The following PDE6C variants were observed in gnomAD, a reference collection of about 807,000 sequenced individuals.
The protein encoded by PDE6C is phosphodiesterase 6C.
A neutral mutation model predicts 113.1 loss-of-function variants in PDE6C; 75 were observed. The observed-to-expected ratio is 0.66, with a 90% CI of 0.55 to 0.80. The LOEUF (loss-of-function observed/expected upper bound fraction) is 0.80, where lower values mean the gene tolerates loss of function less well. PDE6C is among the 30% of genes least tolerant of loss of function. The probability of loss-of-function intolerance (pLI) is 0.00; values close to 1 mark genes in which losing one functional copy is unlikely to be tolerated. For synonymous variants in PDE6C, 375 were observed against 363.7 expected (o/e 1.03, Z -0.35); for missense variants, 912 against 1,038.6 (o/e 0.88, Z 1.67).
chr10:93,635,562 A>G lies in PDE6C; in HGVS notation c.1335A>G (p.Leu445=), dbSNP rs1159299458. ...ACACCTACGATAAGATGAATAAGCT[A>G]GAAAACAGAAAGGACATTGCTCAGG... ...NTDTYDKMNK[L]ENRKDIAQEM... Residue 445 remains leucine (L), a synonymous_variant, in exon 10 of 22, where the codon CTA becomes CTG. Transcript: ENST00000371447. 6.2e-7 allele frequency: 1 copy of G among 1,613,442 alleles called. No individual in the cohort carries two copies. Among genetic ancestry groups the G allele is most frequent in the Non-Finnish European group, 8.5e-7 (1 of 1,179,318 alleles).
chr10:93,644,239 T>C (rs1303726777), intron 14 of PDE6C, among the ~76,000 whole-genome samples: 1 of 152,234 alleles, frequency 6.6e-6, no homozygotes, highest in Non-Finnish European at 1.5e-5. Context: ...GATCTCTTTA[T>C]GTAAAGGAAC....
chr10:93,632,342 TG>T (rs1306587052), intron 8 of PDE6C, among the ~76,000 whole-genome samples: 1 of 152,176 alleles, frequency 6.6e-6, no homozygotes, highest in African/African-American at 2.4e-5. Flanking sequence ...TAGACATCTT[TG>T]GGGGCCATTG....
At chr10:93,617,397 A>T (rs1211688135) in intron 1 of PDE6C, among the ~76,000 whole-genome samples, 1 of 152,236 alleles carries the variant, frequency 6.6e-6, no homozygotes. Context: ...AAAACAGTCC[A>T]TTGAACTTAA....
At position 93,627,258 on chromosome 10, in the gene PDE6C, C is replaced by CAAAA. The variant is rs57142181; in HGVS notation, c.1071+408_1071+411dup. Among the ~76,000 whole-genome samples, 250 of 51,824 alleles carry CAAAA rather than the reference C, an allele frequency of 4.8e-3. 2 individuals carry two copies. Among genetic ancestry groups the CAAAA allele is most frequent in the East Asian group, 0.011 (14 of 1,308 alleles). The allele number at this position is 51,824 out of a possible 152,430, so 34.0% of individuals were successfully genotyped here. On this transcript the variant is annotated intron_variant, in intron 7 of 21. Transcript: ENST00000371447. ...GCCTGGGCAACAAAGTGAAACTCCACAAAAAAAAAAAAAAAAAAAAAAAAG... is the reference window on the plus strand; with the variant it reads ...GCCTGGGCAACAAAGTGAAACTCCACAAAAAAAAAAAAAAAAAAAAAAAAAAAAG...
chr10:93,664,041 G>A (rs1480541725), intron 21 of PDE6C, among the ~76,000 whole-genome samples: 1 of 152,162 alleles, frequency 6.6e-6, no homozygotes, highest in African/African-American at 2.4e-5. Flanking sequence ...AGTTAAGGAT[G>A]TCCTTCAGAA....
chr10:93,614,989 C>A (rs1488012208), intron 1 of PDE6C, among the ~76,000 whole-genome samples: 1 of 152,200 alleles, frequency 6.6e-6, no homozygotes, highest in Non-Finnish European at 1.5e-5. Flanking sequence ...CCAACTCTGG[C>A]TGTACATTAA....
intron 15 of PDE6C, among the ~76,000 whole-genome samples, chr10:93,647,063 C>G (rs938666570): frequency 6.6e-6 from 1 of 152,208 alleles, no homozygotes; most frequent in African/African-American, 2.4e-5. Context: ...TACTACTAAT[C>G]TTCCAGAGAG....
chr10:93,646,737 A>T (rs2058586311), intron 15 of PDE6C, among the ~76,000 whole-genome samples: 1 of 152,166 alleles, frequency 6.6e-6, no homozygotes, highest in Non-Finnish European at 1.5e-5. Flanking sequence ...ACCAAGGAGG[A>T]TGGGGCTAAA....
intron 7 of PDE6C, among the ~76,000 whole-genome samples, chr10:93,628,355 C>T (rs1258910903): frequency 6.6e-6 from 1 of 152,034 alleles, no homozygotes; most frequent in Non-Finnish European, 1.5e-5. Flanking sequence ...GAGGCCAAGG[C>T]AGGTGGATTG....
intron 4 of PDE6C, among the ~76,000 whole-genome samples, chr10:93,623,209 A>G (rs1331186336): frequency 1.3e-5 from 2 of 152,186 alleles, no homozygotes; most frequent in Admixed American, 6.5e-5. Flanking sequence ...CAGTTCCCCA[A>G]TGACATATGA....
chr10:93,627,267 A>G (rs1051172980), intron 7 of PDE6C, among the ~76,000 whole-genome samples: 4 of 151,060 alleles, frequency 2.6e-5, no homozygotes, highest in African/African-American at 9.7e-5. Context: ...ACAAAAAAAA[A>G]AAAAAAAAAA....
At chr10:93,636,930 T>C (rs780703097) in intron 10 of PDE6C, 65 bp from the exon 11 acceptor site, 419 of 857,668 alleles carry the variant, frequency 4.9e-4, no homozygotes, top group Non-Finnish European at 7.5e-4. Flanking sequence ...ATTGTAATAG[T>C]AGAGGAATCA....
At chr10:93,652,149 G>A (rs545324810) in intron 15 of PDE6C, among the ~76,000 whole-genome samples, 6 of 152,192 alleles carry the variant, frequency 3.9e-5, no homozygotes, top group East Asian at 1.9e-4. Context: ...TAAGAAAAAC[G>A]AGGTGAGCAT....
chr10:93,656,933 C>G (rs1415936663), intron 16 of PDE6C, among the ~76,000 whole-genome samples: 1 of 151,906 alleles, frequency 6.6e-6, no homozygotes, highest in African/African-American at 2.4e-5. Context: ...AATGGATATC[C>G]AAATATCTAT....
At chr10:93,620,417 T>G (rs888938986) in intron 1 of PDE6C, among the ~76,000 whole-genome samples, 1 of 152,138 alleles carries the variant, frequency 6.6e-6, no homozygotes, top group South Asian at 2.1e-4. Flanking sequence ...AGGCCATAGC[T>G]CAGGTTGGCA....
chr10:93,621,069 C>T (rs2134594361), intron 3 of PDE6C, 89 bp downstream of exon 3: 3 of 1,071,970 alleles, frequency 2.8e-6, no homozygotes, highest in Non-Finnish European at 4.3e-6. Context: ...TCCTATTCCT[C>T]CTGGGGGTGT....
intron 14 of PDE6C, among the ~76,000 whole-genome samples, chr10:93,643,641 T>A (rs868163087): frequency 6.6e-6 from 1 of 151,844 alleles, no homozygotes; most frequent in Non-Finnish European, 1.5e-5. Context: ...TCCTCCTGCC[T>A]CAGCCTCCCA....
At chr10:93,646,287 A>G (rs1280879219) in intron 15 of PDE6C, among the ~76,000 whole-genome samples, 1 of 152,182 alleles carries the variant, frequency 6.6e-6, no homozygotes, top group African/African-American at 2.4e-5. Context: ...TCTGTAGGGA[A>G]AGAAGAAAAA....
At chr10:93,626,936 A>G (rs2058475939) in intron 7 of PDE6C, 65 bp downstream of exon 7, 7 of 1,383,556 alleles carry the variant, frequency 5.1e-6, no homozygotes, top group African/African-American at 1.4e-5. Flanking sequence ...GCTAAGAGAT[A>G]GATACAATTG....
Sources: allele counts gnomAD v4.1 joint callset (sites outside exome capture counted in the v4.1 genomes callset), GRCh38; gene constraint gnomAD v4.1.1; transcripts MANE v1.5; gene names NCBI Gene and HGNC (gene_info 2026-07-23, HGNC 2026-07-21).